ASTN2: variants seen among roughly 807,000 people sequenced by gnomAD.
ASTN2 encodes astrotactin 2.
Under a neutral mutation model 139.8 loss-of-function variants are expected in ASTN2, and 54 were observed. The ratio of observed to expected loss-of-function variants is 0.39; its 90% CI spans 0.31 to 0.48. The LOEUF (loss-of-function observed/expected upper bound fraction) is 0.48, where lower values mean the gene tolerates loss of function less well. Among genes scored for constraint, ASTN2 ranks in the 20% least tolerant of loss-of-function variants. The pLI is 0.95. For synonymous variants in ASTN2, 756 were observed against 719.5 expected, an observed-to-expected ratio of 1.05 and a Z score of -0.81; for missense variants, 1,565 against 1,725.1, an observed-to-expected ratio of 0.91 and a Z score of 1.64.
chr9:116,666,949 C>CTTTTTTTTTTTTTTTTTTT (rs34835904), intron 16 of ASTN2, among the ~76,000 whole-genome samples: 1 of 70,362 alleles, frequency 1.4e-5, no homozygotes, highest in Non-Finnish European at 2.5e-5. Context: ...TTTATTTATT[C>CTTTTTTTTTTTTTTTTTTT]TTTTTTTTTT....
chr9:116,591,846 T>A (rs1854391073), intron 19 of ASTN2, among the ~76,000 whole-genome samples: 1 of 152,174 alleles, frequency 6.6e-6, no homozygotes, highest in South Asian at 2.1e-4. Context: ...TAAAATTACA[T>A]CCATATATGT....
At chr9:116,782,779 T>C (rs1243838669) in intron 13 of ASTN2, among the ~76,000 whole-genome samples, 1 of 150,850 alleles carries the variant, frequency 6.6e-6, no homozygotes, top group Admixed American at 6.6e-5. Flanking sequence ...ATTCCCTCTT[T>C]TTCTTCACCT....
At chr9:116,862,333 G>A (rs149115035) in intron 11 of ASTN2, among the ~76,000 whole-genome samples, 272 of 152,198 alleles carry the variant, frequency 1.8e-3, no homozygotes, top group African/African-American at 6.2e-3. Context: ...CTGGGGTGTT[G>A]AGCCGAATCA....
intron 1 of ASTN2, among the ~76,000 whole-genome samples, chr9:117,330,647 G>A (rs1587953917): frequency 6.6e-6 from 1 of 152,118 alleles, no homozygotes; most frequent in East Asian, 1.9e-4. Context: ...AACACATGTG[G>A]AGAGAGAGAA....
At chr9:116,780,678 T>C (rs1052480456) in intron 13 of ASTN2, among the ~76,000 whole-genome samples, 3 of 152,138 alleles carry the variant, frequency 2.0e-5, no homozygotes, top group Admixed American at 2.0e-4. Flanking sequence ...ATAGTAGCTT[T>C]CCTCATTCTT....
chr9:117,286,782 G>A (rs1385216618), intron 2 of ASTN2, among the ~76,000 whole-genome samples: 1 of 152,172 alleles, frequency 6.6e-6, no homozygotes, highest in Non-Finnish European at 1.5e-5. Context: ...TCTATCAAAT[G>A]TTTTGTGCAC....
At chr9:116,575,148 A>G (rs1853673022) in intron 19 of ASTN2, among the ~76,000 whole-genome samples, 1 of 152,068 alleles carries the variant, frequency 6.6e-6, no homozygotes, top group Admixed American at 6.6e-5. Context: ...TGACACCTGT[A>G]TTTACCTCTA....
chr9:117,303,416 A>T (rs1381322470), intron 1 of ASTN2, among the ~76,000 whole-genome samples: 1 of 152,140 alleles, frequency 6.6e-6, no homozygotes, highest in Non-Finnish European at 1.5e-5. Context: ...AGGACCAAGT[A>T]AGAGCTCCTC....
chr9:117,047,122 T>C (rs998046343), intron 5 of ASTN2, among the ~76,000 whole-genome samples: 2 of 152,182 alleles, frequency 1.3e-5, no homozygotes, highest in Admixed American at 6.5e-5. Context: ...TTCTCTGCCA[T>C]ATTTCTGGAA....
At chr9:116,489,366 T>C (rs1033048778) in intron 19 of ASTN2, among the ~76,000 whole-genome samples, 2 of 152,176 alleles carry the variant, frequency 1.3e-5, no homozygotes, top group African/African-American at 4.8e-5. Flanking sequence ...AGACAGGGTC[T>C]CATTCTGTTG....
chr9:116,918,124 C>T (rs1269171686), intron 10 of ASTN2, among the ~76,000 whole-genome samples: 2 of 152,166 alleles, frequency 1.3e-5, no homozygotes, highest in Admixed American at 1.3e-4. Context: ...TCTGATGCCT[C>T]CCCAGCCATG....
intron 12 of ASTN2, among the ~76,000 whole-genome samples, chr9:116,814,480 G>A (rs1831255736): frequency 6.6e-6 from 1 of 151,582 alleles, no homozygotes; most frequent in Non-Finnish European, 1.5e-5. Flanking sequence ...TTATATAGCA[G>A]ATTTTATCTA....
chr9:116,950,102 G>A (rs1835516642), intron 10 of ASTN2, among the ~76,000 whole-genome samples: 1 of 152,100 alleles, frequency 6.6e-6, no homozygotes. Flanking sequence ...CTCTAGAAGA[G>A]GCCAAGCTTT....
chr9:117,067,798 GCTCT>G (rs1827996778), intron 5 of ASTN2, among the ~76,000 whole-genome samples: 1 of 96,774 alleles, frequency 1.0e-5, no homozygotes, highest in Non-Finnish European at 2.3e-5. Flanking sequence ...TCATGATTTG[GCTCT>G]CTGTTTGTCT....
chr9:116,698,320 G>A lies in ASTN2; in HGVS notation c.2806+27451C>T, dbSNP rs373853273. Reference sequence around the variant, plus strand: ...CTCCAGGAGTATGGGCATGAGGAGCGCAGGGTCCAGGATGAGCTGGCTCGC... The same window carrying A: ...CTCCAGGAGTATGGGCATGAGGAGCACAGGGTCCAGGATGAGCTGGCTCGC... On this transcript the variant is annotated intron_variant, in intron 16 of 22. Transcript: ENST00000313400. The surrounding 1 kb of genome is among the most constrained non-coding windows in gnomAD (Gnocchi z 4.4). 4.0e-5 allele frequency: 65 copies of A among 1,614,142 alleles called. No individual in the cohort carries two copies. In the African/African-American group the frequency reaches 4.5e-4, roughly 11 times the overall value.
At chr9:116,490,063 G>A (rs1404044924) in intron 19 of ASTN2, among the ~76,000 whole-genome samples, 1 of 151,846 alleles carries the variant, frequency 6.6e-6, no homozygotes, top group Admixed American at 6.6e-5. Context: ...GTAAAGCCAA[G>A]GGTCTAGAAA....
chr9:117,344,045 G>A (rs1276804801), intron 1 of ASTN2, among the ~76,000 whole-genome samples: 1 of 152,022 alleles, frequency 6.6e-6, no homozygotes, highest in African/African-American at 2.4e-5. Flanking sequence ...AATTCCTGAA[G>A]CAGGAAAAGC....
intron 19 of ASTN2, among the ~76,000 whole-genome samples, chr9:116,610,581 C>A (rs7847903): frequency 6.6e-6 from 1 of 151,714 alleles, no homozygotes; most frequent in Non-Finnish European, 1.5e-5. Context: ...CCAGCCTAGA[C>A]GACAAAAGCG....
chr9:117,351,813 G>A (rs1223612142), intron 1 of ASTN2, among the ~76,000 whole-genome samples: 1 of 152,110 alleles, frequency 6.6e-6, no homozygotes, highest in Non-Finnish European at 1.5e-5. Flanking sequence ...GATGGGGGGT[G>A]CTATAGCCAT....
Sources: gnomAD v4.1 joint callset for allele counts (sites outside exome capture counted in the v4.1 genomes callset) on GRCh38, gnomAD v4.1.1 for gene constraint, Gnocchi (gnomAD v3.1) non-coding constraint, MANE v1.5 for transcripts, NCBI Gene and HGNC (gene_info 2026-07-23, HGNC 2026-07-21) for gene names.